Variants in FAM181B observed in about 807,000 individuals in gnomAD.
The protein encoded by FAM181B is family with sequence similarity 181 member B.
In FAM181B, 13 loss-of-function variants were observed where a neutral mutation model predicts 17.8. That is an observed-to-expected ratio of 0.73 (90% CI 0.48 to 1.16). The LOEUF (loss-of-function observed/expected upper bound fraction) is 1.16, where lower values mean the gene tolerates loss of function less well. Ranked by LOEUF, FAM181B falls within the 50% of genes most tolerant of loss-of-function variation. The pLI is 0.00. For missense variants in FAM181B, 725 were observed against 634.1 expected, an observed-to-expected ratio of 1.14 and a Z score of -1.54; for synonymous variants, 338 against 316.5, an observed-to-expected ratio of 1.07 and a Z score of -0.72.
At position 82,733,064 on chromosome 11, in the gene FAM181B, C is replaced by T. The variant is rs780121913; in HGVS notation, c.666G>A (p.Leu222=). 43 of 1,523,768 alleles carry T rather than the reference C, an allele frequency of 2.8e-5. No individual in the cohort carries two copies. The highest frequency in any genetic ancestry group is 3.5e-5 in the Non-Finnish European group (40 of 1,146,718). 94.4% of individuals were successfully genotyped at this position (1,523,768 alleles called of 1,614,324 possible). A position where few individuals can be genotyped will look rare whatever the true frequency, so the allele number is the denominator to read the frequency against. The change falls in exon 1 of 1, where the codon CTG becomes CTA. Residue 222 remains leucine (L), a synonymous_variant. Coordinates refer to ENST00000329203, the MANE Select transcript of FAM181B (RefSeq NM_175885.4). ...AGGACGGAGGCAGATTGCGTGCCCGCAGCGGGACCTTCCTGGCCCCTGGGA... is the reference window on the plus strand; with the variant it reads ...AGGACGGAGGCAGATTGCGTGCCCGTAGCGGGACCTTCCTGGCCCCTGGGA... ...TAIPGARKVP[L]RARNLPPSFF...
At position 82,730,850 on chromosome 11, in the gene FAM181B, T is replaced by G. The variant is rs1857121166; in HGVS notation, c.*1599A>C. The G allele has an allele frequency of 6.6e-6, 1 of 152,262 alleles. No individual in the cohort carries two copies. 9.4% of individuals were successfully genotyped at this position (152,262 alleles called of 1,614,324 possible). A position where few individuals can be genotyped will look rare whatever the true frequency, so the allele number is the denominator to read the frequency against. ...CTTGCGGTAACACTCGGTTTTCAACTAACTCACATCCAGATATTCCTGCAA... is the reference window on the plus strand; with the variant it reads ...CTTGCGGTAACACTCGGTTTTCAACGAACTCACATCCAGATATTCCTGCAA... On this transcript the variant is annotated 3_prime_UTR_variant, in exon 1 of 1. Transcript: ENST00000329203.
Position 82,733,450 on chromosome 11 carries a change from G to T in FAM181B, c.280C>A (p.Arg94Ser). Residue 94 changes from arginine (R) to serine (S), a missense_variant, in exon 1 of 1, where the codon CGC (arginine) becomes AGC (serine). By Grantham distance (110) the Arg-to-Ser change is moderately radical. Transcript: ENST00000329203. ...PGKSKRKVNH[R>S]KYLQKQIKRC... ...TTGATCTGCTTCTGCAGGTACTTGC[G>T]GTGGTTCACCTTCCGCTTCGACTTG... is the stretch of plus-strand genomic sequence containing the variant. 1 of 1,592,508 alleles carries T rather than the reference G, an allele frequency of 6.3e-7. No individual in the cohort carries two copies. The highest frequency in any genetic ancestry group is 8.5e-7 in the Non-Finnish European group (1 of 1,170,012).
rs1370436626 is a variant in FAM181B at position 82,732,737 on chromosome 11, C to T, written c.993G>A (p.Pro331=). ...PEPWSVPGCS[P]TKKSPLTAPR... ...GGGCAGTCAGGGGGCTCTTTTTGGT[C>T]GGGGAGCAGCCCGGGACGCTCCAGG... is the stretch of plus-strand genomic sequence containing the variant. The change falls in exon 1 of 1, where the codon CCG becomes CCA. Residue 331 remains proline (P), a synonymous_variant. Coordinates refer to ENST00000329203, the MANE Select transcript of FAM181B (RefSeq NM_175885.4). The T allele has an allele frequency of 4.8e-6, 7 of 1,456,370 alleles. No individual in the cohort carries two copies. Among genetic ancestry groups the T allele is most frequent in the African/African-American group, 2.9e-5 (2 of 69,292 alleles). 90.2% of individuals were successfully genotyped at this position (1,456,370 alleles called of 1,614,324 possible). A position where few individuals can be genotyped will look rare whatever the true frequency, so the allele number is the denominator to read the frequency against.
chr11:82,733,803 C>T lies in FAM181B; in HGVS notation c.-74G>A, dbSNP rs544243306. ...GCTCCTGCCCGCCGCCCAGACCCAG[C>T]TCCCGCCCCGGCGCGGCGCGCGCGG... is the stretch of plus-strand genomic sequence containing the variant. On this transcript the variant is annotated 5_prime_UTR_variant, in exon 1 of 1. Transcript: ENST00000329203. The T allele has an allele frequency of 3.4e-6, 4 of 1,176,106 alleles. No homozygotes were observed. The highest frequency in any genetic ancestry group is 8.4e-5 in the South Asian group (2 of 23,732). The allele number at this position is 1,176,106 out of a possible 1,614,324, so 72.9% of individuals were successfully genotyped here. A position where few individuals can be genotyped will look rare whatever the true frequency, so the allele number is the denominator to read the frequency against.
rs1381148278 is a variant in FAM181B at position 82,730,882 on chromosome 11, C to G, written c.*1567G>C. On this transcript the variant is annotated 3_prime_UTR_variant, in exon 1 of 1. Coordinates refer to ENST00000329203, the MANE Select transcript of FAM181B (RefSeq NM_175885.4). Reference sequence around the variant, plus strand: ...CATCCAGATATTCCTGCAATCAATCCTGGGTGCCTTGAAGCCAAGCAGCTC... The same window carrying G: ...CATCCAGATATTCCTGCAATCAATCGTGGGTGCCTTGAAGCCAAGCAGCTC... The G allele has an allele frequency of 6.6e-6, 1 of 152,178 alleles. No homozygotes were observed. The highest frequency in any genetic ancestry group is 1.5e-5 in the Non-Finnish European group (1 of 68,042). 9.4% of individuals were successfully genotyped at this position (152,178 alleles called of 1,614,324 possible).
Position 82,733,209 on chromosome 11 carries a change from T to G in FAM181B, c.521A>C (p.His174Pro). Reference protein sequence around the residue: ...SLAALFDSLRHVPGGAEPAGG... With the variant: ...SLAALFDSLRPVPGGAEPAGG... Reference sequence around the variant, plus strand: ...CGCCGGCTCGGCACCCCCGGGGACGTGGCGCAGCGAGTCGAAGAGCGCGGC... The same window carrying G: ...CGCCGGCTCGGCACCCCCGGGGACGGGGCGCAGCGAGTCGAAGAGCGCGGC... Residue 174 changes from histidine to proline, a missense_variant, in exon 1 of 1, where the codon CAC becomes CCC. Transcript: ENST00000329203. 7.6e-7 allele frequency: 1 copy of G among 1,311,832 alleles called. No individual in the cohort carries two copies. Among genetic ancestry groups the G allele is most frequent in the South Asian group, 2.3e-5 (1 of 43,866 alleles). 81.3% of individuals were successfully genotyped at this position (1,311,832 alleles called of 1,614,324 possible). A position where few individuals can be genotyped will look rare whatever the true frequency, so the allele number is the denominator to read the frequency against.
rs779294924 is a variant in FAM181B, at chr11:82,732,405, C to T, written c.*44G>A. 2.0e-5 allele frequency: 31 copies of T among 1,564,666 alleles called. No homozygotes were observed. The highest frequency in any genetic ancestry group is 2.1e-5 in the Non-Finnish European group (24 of 1,147,234). On this transcript the variant is annotated 3_prime_UTR_variant, in exon 1 of 1. Transcript: ENST00000329203. ...TTAGGAGAAACCCACGGAGGCGCGG[C>T]GCTCTCCACAGCCGTCTCTAATGAA...
Position 82,730,538 on chromosome 11 carries a change from T to A in FAM181B, c.*1911A>T, listed in dbSNP as rs1053191881. Reference sequence around the variant, plus strand: ...TTAGACAAATTAAATCGTTATTAAGTAATATTCTGTTAGCACAATGGAATT... The same window carrying A: ...TTAGACAAATTAAATCGTTATTAAGAAATATTCTGTTAGCACAATGGAATT... On this transcript the variant is annotated 3_prime_UTR_variant, in exon 1 of 1. Coordinates refer to ENST00000329203, the MANE Select transcript of FAM181B (RefSeq NM_175885.4). 6.6e-6 allele frequency: 1 copy of A among 152,238 alleles called. No individual in the cohort carries two copies. Among genetic ancestry groups the A allele is most frequent in the Non-Finnish European group, 1.5e-5 (1 of 68,042 alleles). 9.4% of individuals were successfully genotyped at this position (152,238 alleles called of 1,614,324 possible).
chr11:82,732,654 T>A lies in FAM181B; in HGVS notation c.1076A>T (p.Asp359Val). Residue 359 changes from aspartate to valine, a missense_variant, in exon 1 of 1, where the codon GAT (aspartate) becomes GTT (valine). By Grantham distance (152) the Asp-to-Val change is radical. Coordinates refer to ENST00000329203, the MANE Select transcript of FAM181B (RefSeq NM_175885.4). ...PLSPLYPAAA[D>V]SPGGEDGRGH... ...CCGCCCGTCCTCCCCGCCGGGAGAA[T>A]CCGCAGCGGCGGGGTACAGGGGGCT... The A allele has an allele frequency of 6.7e-7, 1 of 1,496,878 alleles. No individual in the cohort carries two copies. Among genetic ancestry groups the A allele is most frequent in the Non-Finnish European group, 8.9e-7 (1 of 1,121,394 alleles). The allele number at this position is 1,496,878 out of a possible 1,614,324, so 92.7% of individuals were successfully genotyped here.
Position 82,732,664 on chromosome 11 carries a change from CGGGGTACAGG to C in FAM181B, c.1056_1065del (p.Leu353ProfsTer132). ...TCCCCGCCGGGAGAATCCGCAGCGG[CGGGGTACAGG>C]GGGCTCAAGGGCTCGTTCAAGGTCA... On this transcript the variant is annotated frameshift_variant, in exon 1 of 1. Transcript: ENST00000329203. LOFTEE classifies it high-confidence loss of function. 1 of 1,492,366 alleles carries C rather than the reference CGGGGTACAGG, an allele frequency of 6.7e-7. No homozygotes were observed. The highest frequency in any genetic ancestry group is 8.9e-7 in the Non-Finnish European group (1 of 1,119,498). 92.4% of individuals were successfully genotyped at this position (1,492,366 alleles called of 1,614,324 possible).
In FAM181B at chr11:82,733,174, C is replaced by T. The variant is rs986097; in HGVS notation, c.556G>A (p.Val186Met). The change falls in exon 1 of 1, where the codon GTG becomes ATG. Residue 186 changes from valine (V) to methionine (M), a missense_variant. Coordinates refer to ENST00000329203, the MANE Select transcript of FAM181B (RefSeq NM_175885.4). ...PGGAEPAGGEVAAPAAGLGGA... is the reference protein window; with the variant it reads ...PGGAEPAGGEMAAPAAGLGGA... ...CCTAGCCCGGCCGCCGGCGCAGCCA[C>T]CTCACCCCCCGCCGGCTCGGCACCC... is the stretch of plus-strand genomic sequence containing the variant. 4 of 1,382,594 alleles carry T rather than the reference C, an allele frequency of 2.9e-6. No homozygotes were observed. The allele number at this position is 1,382,594 out of a possible 1,614,324, so 85.6% of individuals were successfully genotyped here. A position where few individuals can be genotyped will look rare whatever the true frequency, so the allele number is the denominator to read the frequency against.
At position 82,733,229 on chromosome 11, in the gene FAM181B, C is replaced by T. The variant is rs1857162439; in HGVS notation, c.501G>A (p.Ala167=). Residue 167 remains alanine (A), a synonymous_variant, in exon 1 of 1, where the codon GCG becomes GCA. Transcript: ENST00000329203. Reference sequence around the variant, plus strand: ...GGACGTGGCGCAGCGAGTCGAAGAGCGCGGCCAGACTTCGGCTTTGCAAGC... The same window carrying T: ...GGACGTGGCGCAGCGAGTCGAAGAGTGCGGCCAGACTTCGGCTTTGCAAGC... ...AASLQSRSLA[A]LFDSLRHVPG... 4 of 1,276,858 alleles carry T rather than the reference C, an allele frequency of 3.1e-6. No homozygotes were observed. Among genetic ancestry groups the T allele is most frequent in the Non-Finnish European group, 3.9e-6 (4 of 1,017,100 alleles). The allele number at this position is 1,276,858 out of a possible 1,614,324, so 79.1% of individuals were successfully genotyped here. A position where few individuals can be genotyped will look rare whatever the true frequency, so the allele number is the denominator to read the frequency against.
chr11:82,733,056 C>T lies in FAM181B; in HGVS notation c.674G>A (p.Arg225His). ...PGARKVPLRARNLPPSFFTEP... is the reference protein window; with the variant it reads ...PGARKVPLRAHNLPPSFFTEP... ...CGTGAAGAAGGACGGAGGCAGATTG[C>T]GTGCCCGCAGCGGGACCTTCCTGGC... Residue 225 changes from arginine (R) to histidine (H), a missense_variant, in exon 1 of 1, where the codon CGC becomes CAC. Physicochemically the swap from Arg to His is conservative, Grantham distance 29. Coordinates refer to ENST00000329203, the MANE Select transcript of FAM181B (RefSeq NM_175885.4). The T allele has an allele frequency of 6.6e-7, 1 of 1,525,758 alleles. No homozygotes were observed. Among genetic ancestry groups the T allele is most frequent in the South Asian group, 1.2e-5 (1 of 81,096 alleles). The allele number at this position is 1,525,758 out of a possible 1,614,324, so 94.5% of individuals were successfully genotyped here.
chr11:82,733,146 C>A lies in FAM181B; in HGVS notation c.584G>T (p.Gly195Val). The A allele has an allele frequency of 7.1e-7, 1 of 1,414,910 alleles. No individual in the cohort carries two copies. Among genetic ancestry groups the A allele is most frequent in the Non-Finnish European group, 9.1e-7 (1 of 1,093,334 alleles). 87.6% of individuals were successfully genotyped at this position (1,414,910 alleles called of 1,614,324 possible). A position where few individuals can be genotyped will look rare whatever the true frequency, so the allele number is the denominator to read the frequency against. The change falls in exon 1 of 1, where the codon GGT becomes GTT. Residue 195 changes from glycine (G) to valine (V), a missense_variant. Transcript: ENST00000329203. Reference protein sequence around the residue: ...EVAAPAAGLGGAGTGGAGGDV... With the variant: ...EVAAPAAGLGVAGTGGAGGDV... ...CCCTCCCGCGCCCCCAGTGCCCGCA[C>A]CTCCTAGCCCGGCCGCCGGCGCAGC...
In FAM181B at chr11:82,732,926, C is replaced by T. The variant is rs1302497037; in HGVS notation, c.804G>A (p.Leu268=). The part of the protein sequence containing the change: ...GAEAVEFFEL[L]GPDYGAGTEA... The stretch of plus-strand genomic sequence containing the variant: ...CCGTGCCGGCGCCGTAGTCGGGCCC[C>T]AGCAGCTCAAAGAACTCCACGGCCT... Residue 268 remains leucine, a synonymous_variant, in exon 1 of 1, where the codon CTG becomes CTA. Transcript: ENST00000329203. 7 of 1,571,710 alleles carry T rather than the reference C, an allele frequency of 4.5e-6. No individual in the cohort carries two copies. The highest frequency in any genetic ancestry group is 6.0e-6 in the Non-Finnish European group (7 of 1,164,490).
In FAM181B at chr11:82,733,687, G is replaced by A. The variant is rs1857172822; in HGVS notation, c.43C>T (p.Pro15Ser). 3 of 1,526,534 alleles carry A rather than the reference G, an allele frequency of 2.0e-6. No homozygotes were observed. The highest frequency in any genetic ancestry group is 1.8e-6 in the Non-Finnish European group (2 of 1,140,828). The allele number at this position is 1,526,534 out of a possible 1,614,324, so 94.6% of individuals were successfully genotyped here. The change falls in exon 1 of 1, where the codon CCC becomes TCC. Residue 15 changes from proline to serine, a missense_variant. Pro to Ser is a moderately conservative substitution (Grantham distance 74). Coordinates refer to ENST00000329203, the MANE Select transcript of FAM181B (RefSeq NM_175885.4). The stretch of plus-strand genomic sequence containing the variant: ...TCCGGGGAGCCCCCGAAGCCGAAGG[G>A]CACGAAAGGGTGCGTGCTGAGGAGC... Reference protein sequence around the residue: ...AALLSTHPFVPFGFGGSPDGL... With the variant: ...AALLSTHPFVSFGFGGSPDGL...
At position 82,733,621 on chromosome 11, in the gene FAM181B, A is replaced by T. The variant is rs761322070; in HGVS notation, c.109T>A (p.Cys37Ser). The T allele has an allele frequency of 6.9e-6, 11 of 1,602,464 alleles. No homozygotes were observed. In the Admixed American group the frequency reaches 1.8e-4, roughly 27 times the overall value. Residue 37 changes from cysteine to serine, a missense_variant, in exon 1 of 1, where the codon TGT becomes AGT. Cys to Ser is a moderately radical substitution (Grantham distance 112). Transcript: ENST00000329203. ...GCCCCGGTCTCATCGTCCTCGAAAC[A>T]GCAGCCCTTGTCCAGGGCTCCGAAG... Reference protein sequence around the residue: ...GAFGALDKGCCFEDDETGAPA... With the variant: ...GAFGALDKGCSFEDDETGAPA...
In FAM181B at chr11:82,732,477, G is replaced by C; in HGVS notation, c.1253C>G (p.Pro418Arg). ...GTCCCGGTGCGCCCCCTCCTCCCCC[G>C]GCGCCCCTTCCCAAACCCCGTCGGA... The part of the protein sequence containing the change: ...WRSDGVWEGA[P>R]GEEGAHRD Residue 418 changes from proline to arginine, a missense_variant, in exon 1 of 1, where the codon CCG becomes CGG. Pro to Arg is a moderately radical substitution (Grantham distance 103). Coordinates refer to ENST00000329203, the MANE Select transcript of FAM181B (RefSeq NM_175885.4). The C allele has an allele frequency of 6.2e-7, 1 of 1,612,566 alleles. No homozygotes were observed. Among genetic ancestry groups the C allele is most frequent in the Non-Finnish European group, 8.5e-7 (1 of 1,179,640 alleles).
chr11:82,733,670 GC>G lies in FAM181B; in HGVS notation c.59del (p.Gly20AlafsTer6). ...THPFVPFGFGGSPDGLGGAFG... is the reference protein window; with the variant it reads ...THPFVPFGFGXSPDGLGGAFG... The stretch of plus-strand genomic sequence containing the variant: ...AGGCGCCCCCTAGCCCGTCCGGGGA[GC>G]CCCCGAAGCCGAAGGGCACGAAAGG... On this transcript the variant is annotated frameshift_variant, in exon 1 of 1. Coordinates refer to ENST00000329203, the MANE Select transcript of FAM181B (RefSeq NM_175885.4). LOFTEE classifies it high-confidence loss of function. 2 of 1,549,094 alleles carry G rather than the reference GC, an allele frequency of 1.3e-6. No homozygotes were observed. Among genetic ancestry groups the G allele is most frequent in the South Asian group, 1.2e-5 (1 of 84,344 alleles).
Sources: allele counts gnomAD v4.1 joint callset, GRCh38; gene constraint gnomAD v4.1.1; transcripts MANE v1.5; gene names NCBI Gene and HGNC (gene_info 2026-07-23, HGNC 2026-07-21).